PDE4D: variants seen among roughly 807,000 people sequenced by gnomAD.
The protein encoded by PDE4D is 3',5'-cyclic-AMP phosphodiesterase 4D.
A neutral mutation model predicts 87.4 loss-of-function variants in PDE4D; 24 were observed. The observed-to-expected ratio is 0.27, with a 90% CI of 0.20 to 0.39. The LOEUF (loss-of-function observed/expected upper bound fraction) is 0.39. Among genes scored for constraint, PDE4D ranks in the 10% least tolerant of loss-of-function variants. The pLI is 1.00. For missense variants in PDE4D, 714 were observed against 1,041.0 expected (o/e 0.69, Z 4.32); for synonymous variants, 384 against 383.2 (o/e 1.00, Z -0.02).
chr5:60,076,720 G>A (rs1773335179), intron 2 of PDE4D, among the ~76,000 whole-genome samples: 1 of 152,126 alleles, frequency 6.6e-6, no homozygotes, highest in Admixed American at 6.5e-5. Context: ...CTTCTGGACT[G>A]TTGGTCACAA....
At chr5:59,674,209 G>A (rs1319163668) in intron 1 of PDE4D, among the ~76,000 whole-genome samples, 1 of 152,068 alleles carries the variant, frequency 6.6e-6, no homozygotes, top group Non-Finnish European at 1.5e-5. Flanking sequence ...TCTAGTTTAA[G>A]GATAATATTG....
intron 3 of PDE4D, among the ~76,000 whole-genome samples, chr5:59,985,840 T>G (rs1164175973): frequency 2.6e-5 from 4 of 152,240 alleles, no homozygotes; most frequent in Admixed American, 1.3e-4. Flanking sequence ...TCAGCCCATC[T>G]GTATACATGA....
At chr5:59,430,589 T>C in intron 1 of PDE4D, 1 of 411,408 alleles carries the variant, frequency 2.4e-6, no homozygotes, top group Non-Finnish European at 4.1e-6. Flanking sequence ...CTAAATGTAC[T>C]ACCTTGTTTT....
chr5:60,426,234 T>C (rs1325953430), intron 1 of PDE4D, among the ~76,000 whole-genome samples: 1 of 152,202 alleles, frequency 6.6e-6, no homozygotes, highest in Non-Finnish European at 1.5e-5. Flanking sequence ...TGCACACGTA[T>C]GTCTATTGCG....
At chr5:59,919,775 T>C (rs1022627065) in intron 3 of PDE4D, among the ~76,000 whole-genome samples, 17 of 152,190 alleles carry the variant, frequency 1.1e-4, no homozygotes, top group African/African-American at 4.1e-4. Context: ...GGAACTTTTA[T>C]TTTTCAAATT....
intron 2 of PDE4D, among the ~76,000 whole-genome samples, chr5:59,997,591 T>C (rs1763629872): frequency 6.6e-6 from 1 of 152,188 alleles, no homozygotes; most frequent in South Asian, 2.1e-4. Context: ...GGAGACAAAG[T>C]AAAGCTAAGT....
intron 1 of PDE4D, among the ~76,000 whole-genome samples, chr5:59,490,661 T>C (rs1417784948): frequency 1.3e-5 from 2 of 152,214 alleles, no homozygotes. Context: ...TCTGCATTTG[T>C]GTACTGCAAT....
intron 5 of PDE4D, among the ~76,000 whole-genome samples, chr5:59,146,042 G>A (rs559413090): frequency 2.0e-5 from 3 of 152,234 alleles, no homozygotes; most frequent in East Asian, 1.9e-4. Flanking sequence ...CAGGAGAATC[G>A]CTTGAACCTG....
intron 1 of PDE4D, among the ~76,000 whole-genome samples, chr5:59,423,487 T>C (rs1343952001): frequency 6.6e-6 from 1 of 152,172 alleles, no homozygotes; most frequent in African/African-American, 2.4e-5. Flanking sequence ...CTTTCCATCA[T>C]GCCACTCTTA....
intron 1 of PDE4D, among the ~76,000 whole-genome samples, chr5:60,376,304 G>C (rs1205435664): frequency 6.6e-6 from 1 of 152,048 alleles, no homozygotes; most frequent in Non-Finnish European, 1.5e-5. Flanking sequence ...TTATTTAACA[G>C]AAGCAAAAAA....
Position 60,401,380 on chromosome 5 carries a change from T to C in PDE4D, c.-90+86562A>G, listed in dbSNP as rs935279320. 7.9e-5 allele frequency among the ~76,000 whole-genome samples: 12 copies of C among 152,272 alleles called. 1 individual carries two copies. The East Asian group carries it at 1.5e-3, about 20-fold the overall frequency. On this transcript the variant is annotated intron_variant, in intron 1 of 16. Transcript: ENST00000502484. ...AATCTAGAAAAAGGGCAAATGATGA[T>C]AAAAAGAAAAGTCCACCTTTCACGA... is the stretch of plus-strand genomic sequence containing the variant.
chr5:59,283,213 C>T (rs974400589), intron 1 of PDE4D, among the ~76,000 whole-genome samples: 1 of 152,034 alleles, frequency 6.6e-6, no homozygotes. Flanking sequence ...AAAGAGTAAT[C>T]AATAAGCTAT....
rs575466292 is a variant in PDE4D, at chr5:59,342,363, G to A, written c.456-126395C>T. Among the ~76,000 whole-genome samples, 14 of 152,132 alleles carry A rather than the reference G, an allele frequency of 9.2e-5. No homozygotes were observed. The South Asian group carries it at 2.5e-3, about 27-fold the overall frequency. ...ACACATGGTGCCTCTGATCTGTATC[G>A]TTTCCCCTAGCGCTTGCATTCATCT... On this transcript the variant is annotated intron_variant, in intron 1 of 14. Transcript: ENST00000340635.
intron 1 of PDE4D, among the ~76,000 whole-genome samples, chr5:60,197,219 A>T (rs1741382472): frequency 6.6e-6 from 1 of 151,524 alleles, no homozygotes; most frequent in Non-Finnish European, 1.5e-5. Context: ...TAGATCCTGC[A>T]TTATATTATG....
intron 1 of PDE4D, among the ~76,000 whole-genome samples, chr5:59,874,985 T>C (rs957784509): frequency 6.6e-6 from 1 of 152,206 alleles, no homozygotes; most frequent in African/African-American, 2.4e-5. Context: ...ATATCCTCCT[T>C]TTCCAGGCAA....
chr5:60,361,408 G>T (rs1760055032), intron 1 of PDE4D, among the ~76,000 whole-genome samples: 3 of 152,186 alleles, frequency 2.0e-5, no homozygotes, highest in Admixed American at 1.3e-4. Flanking sequence ...ATGAAATCAT[G>T]ATTCAATAAA....
intron 1 of PDE4D, among the ~76,000 whole-genome samples, chr5:59,493,260 TTTG>T (rs1163533793): frequency 2.0e-5 from 3 of 152,202 alleles, no homozygotes; most frequent in Non-Finnish European, 4.4e-5. Flanking sequence ...GCCAAAATCC[TTTG>T]TTAAGATTCA....
At chr5:59,872,954 T>C (rs550401293) in intron 1 of PDE4D, among the ~76,000 whole-genome samples, 1 of 152,280 alleles carries the variant, frequency 6.6e-6, no homozygotes, top group Admixed American at 6.5e-5. Context: ...AATTAGAGAC[T>C]GCATGTCTTC....
intron 5 of PDE4D, among the ~76,000 whole-genome samples, chr5:59,114,177 T>C (rs1212752212): frequency 6.6e-6 from 1 of 152,144 alleles, no homozygotes; most frequent in Non-Finnish European, 1.5e-5. Context: ...AAAAATTTTT[T>C]TTTTGTTAAA....
Sources: gnomAD v4.1 joint callset for allele counts (sites outside exome capture counted in the v4.1 genomes callset) on GRCh38, gnomAD v4.1.1 for gene constraint, MANE v1.5 for transcripts, NCBI Gene and HGNC (gene_info 2026-07-23, HGNC 2026-07-21) for gene names.